The following TRIM24 variants were observed in gnomAD, a reference collection of about 807,000 sequenced individuals.
TRIM24 encodes tripartite motif containing 24, also known as transcription intermediary factor 1-alpha.
TRIM24 carries 29 observed loss-of-function variants against 123.9 expected under a neutral mutation model. The ratio of observed to expected loss-of-function variants is 0.23; its 90% CI spans 0.17 to 0.32. The LOEUF is 0.32. TRIM24 is among the 10% of genes least tolerant of loss of function. TRIM24 has a pLI of 1.00. For missense variants in TRIM24, 932 were observed against 1,295.3 expected, an observed-to-expected ratio of 0.72 and a Z score of 4.31; for synonymous variants, 456 against 461.1, an observed-to-expected ratio of 0.99 and a Z score of 0.14.
At chr7:138,519,783 T>TA (rs1315574148) in intron 4 of TRIM24, among the ~76,000 whole-genome samples, 4 of 152,190 alleles carry the variant, frequency 2.6e-5, no homozygotes, top group Admixed American at 2.6e-4. Flanking sequence ...GAAGCTGTTC[T>TA]AGCCCTGGGT....
At chr7:138,507,000 G>T (rs1223212022) in intron 2 of TRIM24, among the ~76,000 whole-genome samples, 1 of 152,056 alleles carries the variant, frequency 6.6e-6, no homozygotes, top group Non-Finnish European at 1.5e-5. Flanking sequence ...TTACTGCCTG[G>T]ATGGTGCCTT....
intron 9 of TRIM24, among the ~76,000 whole-genome samples, chr7:138,566,457 A>G (rs1797538045): frequency 6.6e-6 from 1 of 152,164 alleles, no homozygotes; most frequent in Admixed American, 6.5e-5. Context: ...CAGAGGTTGC[A>G]GTGAGCCAAG....
chr7:138,475,971 C>T (rs963524065), intron 1 of TRIM24, among the ~76,000 whole-genome samples: 4 of 152,082 alleles, frequency 2.6e-5, no homozygotes, highest in African/African-American at 4.8e-5. Flanking sequence ...AGGTAGGACA[C>T]ATTATAAATA....
chr7:138,538,695 A>G lies in TRIM24; in HGVS notation c.1035A>G (p.Gln345=). The change falls in exon 7 of 19, where the codon CAA becomes CAG. Residue 345 remains glutamine (Q), a synonymous_variant. Transcript: ENST00000343526. ...AKDHRMKLMQ[Q]QQEVAGLSKQ... is the part of the protein sequence containing the mutation. ...ACCATCGCATGAAACTTATGCAACA[A>G]CAACAGGAAGTGGCTGGACTCTCTA... 3 of 1,614,182 alleles carry G rather than the reference A, an allele frequency of 1.9e-6. No homozygotes were observed. The highest frequency in any genetic ancestry group is 8.5e-7 in the Non-Finnish European group (1 of 1,180,004).
intron 6 of TRIM24, among the ~76,000 whole-genome samples, chr7:138,536,377 T>C (rs200931096): frequency 2.0e-5 from 3 of 152,230 alleles, no homozygotes; most frequent in South Asian, 4.1e-4. Context: ...ATGATGGTGA[T>C]GTACAGATGG....
intron 11 of TRIM24, among the ~76,000 whole-genome samples, chr7:138,572,124 T>C (rs867492621): frequency 4.0e-4 from 61 of 152,352 alleles, no homozygotes; most frequent in Middle Eastern, 3.4e-3. Context: ...TCAATTAATA[T>C]TTCCTAATAG....
intron 4 of TRIM24, among the ~76,000 whole-genome samples, chr7:138,522,900 T>C (rs1349036453): frequency 6.6e-6 from 1 of 152,210 alleles, no homozygotes; most frequent in African/African-American, 2.4e-5. Context: ...ATCTGAATGA[T>C]AGTGAAAAAC....
chr7:138,580,859 CT>C (rs1159138912), intron 16 of TRIM24, among the ~76,000 whole-genome samples, 165 bp downstream of exon 16: 1 of 151,678 alleles, frequency 6.6e-6, no homozygotes, highest in Non-Finnish European at 1.5e-5. Context: ...CTGTAACTTT[CT>C]TTAAATTAAA....
chr7:138,549,969 G>C (rs1797177738), intron 7 of TRIM24, among the ~76,000 whole-genome samples: 1 of 152,162 alleles, frequency 6.6e-6, no homozygotes, highest in Non-Finnish European at 1.5e-5. Flanking sequence ...TTTGATTGTT[G>C]CTAATTTTCA....
chr7:138,509,478 C>T (rs970753674), intron 2 of TRIM24, among the ~76,000 whole-genome samples: 5 of 150,050 alleles, frequency 3.3e-5, no homozygotes, highest in African/African-American at 4.9e-5. Context: ...CCGAGGCAGG[C>T]GGATCACAAG....
At chr7:138,517,565 G>A (rs1248705478) in intron 3 of TRIM24, among the ~76,000 whole-genome samples, 1 of 151,906 alleles carries the variant, frequency 6.6e-6, no homozygotes, top group Non-Finnish European at 1.5e-5. Flanking sequence ...GTAGAGACGG[G>A]GTTTCACCAT....
intron 6 of TRIM24, among the ~76,000 whole-genome samples, chr7:138,530,493 TC>T: frequency 6.6e-6 from 1 of 152,014 alleles, no homozygotes; most frequent in Non-Finnish European, 1.5e-5. Context: ...TGAGACAGGG[TC>T]TCACTCTGTT....
At chr7:138,539,680 C>A (rs557470729) in intron 7 of TRIM24, among the ~76,000 whole-genome samples, 1 of 151,864 alleles carries the variant, frequency 6.6e-6, no homozygotes, top group Non-Finnish European at 1.5e-5. Context: ...ATAAGCCAAG[C>A]CATACAGTTT....
At chr7:138,484,689 G>A (rs897558106) in intron 1 of TRIM24, among the ~76,000 whole-genome samples, 3 of 151,920 alleles carry the variant, frequency 2.0e-5, no homozygotes, top group Non-Finnish European at 4.4e-5. Context: ...AGAGTTAGGC[G>A]AACTTCATAA....
chr7:138,504,444 G>GTTTTTTTTTTTTTTTTTTTTTTTTT (rs1563036659), intron 2 of TRIM24, 36 bp downstream of exon 2: 4 of 603,602 alleles, frequency 6.6e-6, no homozygotes, highest in African/African-American at 2.2e-5. Context: ...TTGCCTGCCA[G>GTTTTTTTTTTTTTTTTTTTTTTTTT]CTCTTTTTTT....
At chr7:138,480,795 T>C (rs1482201062) in intron 1 of TRIM24, among the ~76,000 whole-genome samples, 1 of 152,162 alleles carries the variant, frequency 6.6e-6, no homozygotes, top group Non-Finnish European at 1.5e-5. Flanking sequence ...TCAATCTTTT[T>C]ATTTTTTGGC....
chr7:138,482,400 G>A (rs778702225), intron 1 of TRIM24, among the ~76,000 whole-genome samples: 11 of 152,152 alleles, frequency 7.2e-5, no homozygotes, highest in Non-Finnish European at 1.5e-4. Flanking sequence ...AAACATGATA[G>A]GCTATTGGGA....
At position 138,584,734 on chromosome 7, in the gene TRIM24, C is replaced by T; in HGVS notation, c.2944-8C>T. On this transcript the variant is annotated splice_region_variant and splice_polypyrimidine_tract_variant and intron_variant, in intron 18 of 18. Coordinates refer to ENST00000343526, the MANE Select transcript of TRIM24 (RefSeq NM_015905.3). ...CTTTTTTTACTCATTTTTATTTTTA[C>T]TCCACAGCCTGATTCAGAAGTAGCC... is the stretch of plus-strand genomic sequence containing the variant. The T allele has an allele frequency of 6.3e-7, 1 of 1,579,252 alleles. No homozygotes were observed. The highest frequency in any genetic ancestry group is 8.6e-7 in the Non-Finnish European group (1 of 1,168,176).
At chr7:138,490,848 C>T in intron 1 of TRIM24, 1 of 459,782 alleles carries the variant, frequency 2.2e-6, no homozygotes, top group Non-Finnish European at 4.2e-6. Context: ...CTGTACCTGT[C>T]AGGTCATGAT....
Sources: allele counts gnomAD v4.1 joint callset (sites outside exome capture counted in the v4.1 genomes callset), GRCh38; gene constraint gnomAD v4.1.1; transcripts MANE v1.5; gene names NCBI Gene and HGNC (gene_info 2026-07-23, HGNC 2026-07-21).